The following UBXN11 variants were observed in gnomAD, a reference collection of about 807,000 sequenced individuals.
The protein encoded by UBXN11 is UBX domain-containing protein 11.
A neutral mutation model predicts 62.8 loss-of-function variants in UBXN11; 47 were observed. That is an observed-to-expected ratio of 0.75 (90% CI 0.59 to 0.95). UBXN11 has a LOEUF of 0.95. UBXN11 is among the 40% of genes least tolerant of loss of function. The pLI, the probability that UBXN11 is intolerant of heterozygous loss-of-function variation, is 0.00. For missense variants in UBXN11, 638 were observed against 661.7 expected (o/e 0.96, Z 0.39); for synonymous variants, 294 against 267.0 (o/e 1.10, Z -0.99).
chr1:26,290,068 G>GC (rs1557682599), intron 8 of UBXN11, among the ~76,000 whole-genome samples: 1 of 152,156 alleles, frequency 6.6e-6, no homozygotes, highest in Admixed American at 6.5e-5. Flanking sequence ...GCTCTCTCTG[G>GC]CCCCTGCCAT....
At chr1:26,289,047 A>C (rs1288110387) in intron 8 of UBXN11, among the ~76,000 whole-genome samples, 1 of 152,146 alleles carries the variant, frequency 6.6e-6, no homozygotes, top group Non-Finnish European at 1.5e-5. Context: ...TAAAATGAGA[A>C]GGGAGCTCAA....
At chr1:26,300,225 T>C (rs1570123068) in intron 4 of UBXN11, among the ~76,000 whole-genome samples, 1 of 152,300 alleles carries the variant, frequency 6.6e-6, no homozygotes, top group East Asian at 1.9e-4. Context: ...TGACAGGCGC[T>C]GGCCAGGGGC....
intron 3 of UBXN11, 41 bp downstream of exon 3, chr1:26,301,653 A>C: frequency 1.2e-6 from 2 of 1,611,414 alleles, no homozygotes; most frequent in African/African-American, 1.3e-5. Flanking sequence ...AGGTGCAAGC[A>C]CATGAGAGGC....
intron 8 of UBXN11, among the ~76,000 whole-genome samples, chr1:26,290,424 CAG>C (rs1441426469): frequency 1.3e-5 from 2 of 152,322 alleles, no homozygotes; most frequent in African/African-American, 4.8e-5. Flanking sequence ...GCCCTCCCCA[CAG>C]AGCAGCACAG....
chr1:26,305,326 C>A (rs1052610922), intron 1 of UBXN11, among the ~76,000 whole-genome samples: 2 of 152,174 alleles, frequency 1.3e-5, no homozygotes, highest in African/African-American at 4.8e-5. Context: ...AGTATGCAAC[C>A]TTTTTCATAA....
Position 26,284,357 on chromosome 1 carries a change from C to A in UBXN11, c.973+5G>T. ...CCCCTGGCTCAGCCTGGAGGCCAAA[C>A]TCACCTGGGTGCTCCTCCACCCTGT... is the stretch of plus-strand genomic sequence containing the variant. On this transcript the variant is annotated splice_donor_5th_base_variant and intron_variant, in intron 11 of 14. Coordinates refer to ENST00000374222, the MANE Select transcript of UBXN11 (RefSeq NM_001389556.1). 3 of 1,614,110 alleles carry A rather than the reference C, an allele frequency of 1.9e-6. No homozygotes were observed. The highest frequency in any genetic ancestry group is 2.5e-6 in the Non-Finnish European group (3 of 1,179,976).
intron 12 of UBXN11, among the ~76,000 whole-genome samples, chr1:26,283,937 T>TA (rs1314729613): frequency 1.3e-5 from 2 of 152,210 alleles, no homozygotes; most frequent in African/African-American, 2.4e-5. Context: ...TTAGCCCTCT[T>TA]ACAGCTAACC....
chr1:26,301,829 G>C, intron 2 of UBXN11, 107 bp from the exon 3 acceptor site: 2 of 1,465,804 alleles, frequency 1.4e-6, no homozygotes, highest in East Asian at 2.3e-5. Context: ...CAAAGAGATG[G>C]AAGCAGGGCC....
In UBXN11 at chr1:26,296,900, C is replaced by T. The variant is rs200856466; in HGVS notation, c.432+19G>A. ...GGGACTGCTGGCTGCCCGCATCCCC[C>T]GGGGCCCAGCTCTCTCACCTCCATC... On this transcript the variant is annotated intron_variant, in intron 7 of 14. Coordinates refer to ENST00000374222, the MANE Select transcript of UBXN11 (RefSeq NM_001389556.1). 1.9e-5 allele frequency: 30 copies of T among 1,595,182 alleles called. 1 individual carries two copies. The Admixed American group carries it at 2.6e-4, about 14-fold the overall frequency.
chr1:26,285,546 A>G lies in UBXN11; in HGVS notation c.775-5T>C, dbSNP rs756298737. 6.4e-7 allele frequency: 1 copy of G among 1,571,992 alleles called. No homozygotes were observed. The highest frequency in any genetic ancestry group is 2.3e-5 in the East Asian group (1 of 44,024). On this transcript the variant is annotated splice_region_variant and splice_polypyrimidine_tract_variant and intron_variant, in intron 9 of 14. Transcript: ENST00000374222. ...CAATATGTCTCGGAGGCAGCGCTGCAAGGGAAGAGGAAAAGTGAGGGGGTG... is the reference window on the plus strand; with the variant it reads ...CAATATGTCTCGGAGGCAGCGCTGCGAGGGAAGAGGAAAAGTGAGGGGGTG...
intron 4 of UBXN11, among the ~76,000 whole-genome samples, chr1:26,299,511 CAAAAAAAAA>C (rs71581050): frequency 3.9e-5 from 4 of 103,140 alleles, no homozygotes; most frequent in Non-Finnish European, 7.2e-5. Context: ...AGGCAGTCTC[CAAAAAAAAA>C]AAAAACAAAA....
rs746355317 is a variant in UBXN11 at position 26,298,091 on chromosome 1, C to T, written c.200-29G>A. The T allele has an allele frequency of 3.7e-5, 60 of 1,604,156 alleles. 1 individual carries two copies. In the Admixed American group the frequency reaches 9.8e-4, roughly 26 times the overall value. On this transcript the variant is annotated intron_variant, in intron 4 of 14. Transcript: ENST00000374222. ...CCAAGCACACAAAGTCTTTAGAGCC[C>T]AGACCTAGAGCCGAGGCTGAGTTGT...
intron 2 of UBXN11, among the ~76,000 whole-genome samples, chr1:26,302,367 A>T (rs1228626750): frequency 3.8e-5 from 2 of 52,300 alleles, no homozygotes; most frequent in African/African-American, 2.0e-4. Flanking sequence ...GTCTTTAAAA[A>T]AAAAAAAAAA....
rs752163039 is a variant in UBXN11, at chr1:26,282,671, G to A, written c.1270C>T (p.Arg424Ter). The A allele has an allele frequency of 8.1e-6, 13 of 1,613,968 alleles. No individual in the cohort carries two copies. The highest frequency in any genetic ancestry group is 1.6e-4 in the Middle Eastern group (1 of 6,084). The change falls in exon 14 of 15, where the codon CGA becomes TGA. Residue 424 changes from arginine to a stop codon, truncating the protein, a stop_gained. Transcript: ENST00000374222. LOFTEE classifies it low-confidence loss of function (END_TRUNC). ...CACCTGGCCTGCGCTAGCAGAGCTC[G>A]CACGTCCCCAATGGTGTTGTCAGGC... ...MQPDNTIGDV[R>*]ALLAQARVMD... is the part of the protein sequence containing the mutation.
chr1:26,310,836 C>T (rs2073734734), upstream of UBXN11, among the ~76,000 whole-genome samples: 1 of 150,612 alleles, frequency 6.6e-6, no homozygotes, highest in Admixed American at 6.6e-5. Context: ...TCTCTTCCCA[C>T]ATCTTAGAAG....
At chr1:26,299,206 G>A (rs992900213) in intron 4 of UBXN11, among the ~76,000 whole-genome samples, 9 of 152,068 alleles carry the variant, frequency 5.9e-5, no homozygotes, top group Non-Finnish European at 1.2e-4. Context: ...CAGGCCAGAG[G>A]AACATCACAT....
rs541750401 is a variant in UBXN11, at chr1:26,284,565, C to T, written c.853-83G>A. 9 of 1,502,462 alleles carry T rather than the reference C, an allele frequency of 6.0e-6. No individual in the cohort carries two copies. In the South Asian group the frequency reaches 9.3e-5, roughly 16 times the overall value. The allele number at this position is 1,502,462 out of a possible 1,614,324, so 93.1% of individuals were successfully genotyped here. On this transcript the variant is annotated intron_variant, in intron 10 of 14. Transcript: ENST00000374222. ...ACTTTCATCCCTATTTGCCTAAACA[C>T]AGGCCAAGGGTATGGTCTAATGCAA...
At chr1:26,296,430 A>T (rs2073394414) in intron 7 of UBXN11, among the ~76,000 whole-genome samples, 1 of 151,992 alleles carries the variant, frequency 6.6e-6, no homozygotes. Context: ...GGCCCGGGGG[A>T]TATGACTGAG....
intron 10 of UBXN11, chr1:26,284,699 G>C: frequency 7.5e-7 from 1 of 1,339,766 alleles, no homozygotes; most frequent in Non-Finnish European, 9.6e-7. Context: ...CACGCCAGCT[G>C]AAGCTGCAGT....
Sources: gnomAD v4.1 joint callset for allele counts (sites outside exome capture counted in the v4.1 genomes callset) on GRCh38, gnomAD v4.1.1 for gene constraint, MANE v1.5 for transcripts, NCBI Gene and HGNC (gene_info 2026-07-23, HGNC 2026-07-21) for gene names.